The following PTPRK variants were observed in gnomAD, a reference collection of about 807,000 sequenced individuals.
PTPRK encodes the protein protein tyrosine phosphatase receptor type K.
In PTPRK, 75 loss-of-function variants were observed where a neutral mutation model predicts 178.0. That is an observed-to-expected ratio of 0.42 (90% confidence interval 0.35 to 0.51). The LOEUF (loss-of-function observed/expected upper bound fraction) is 0.51, where lower values mean the gene tolerates loss of function less well. Among genes scored for constraint, PTPRK ranks in the 20% least tolerant of loss-of-function variants. The probability of loss-of-function intolerance (pLI) is 0.02; values close to 1 mark genes in which losing one functional copy is unlikely to be tolerated. For synonymous variants in PTPRK, 637 were observed against 620.6 expected (o/e 1.03, Z -0.39); for missense variants, 1,441 against 1,797.8 (o/e 0.80, Z 3.59).
intron 6 of PTPRK, among the ~76,000 whole-genome samples, chr6:128,189,235 C>CTTTTTTTTTTTTTTTTTTTT (rs71028115): frequency 1.5e-5 from 1 of 67,466 alleles, no homozygotes; most frequent in Non-Finnish European, 2.6e-5. Context: ...TACTCTTTTT[C>CTTTTTTTTTTTTTTTTTTTT]TTTTTTTTTT....
intron 1 of PTPRK, among the ~76,000 whole-genome samples, chr6:128,424,588 C>T (rs1347991595): frequency 6.6e-6 from 1 of 152,118 alleles, no homozygotes; most frequent in Non-Finnish European, 1.5e-5. Flanking sequence ...TTCATTCACC[C>T]TTTTTCTCTG....
chr6:128,153,190 T>C (rs1413059528), intron 7 of PTPRK, among the ~76,000 whole-genome samples: 2 of 151,946 alleles, frequency 1.3e-5, no homozygotes, highest in African/African-American at 4.8e-5. Context: ...GTGTATGATA[T>C]GTGAAATCAA....
chr6:127,988,553 T>C (rs922935400), intron 21 of PTPRK, among the ~76,000 whole-genome samples: 8 of 152,056 alleles, frequency 5.3e-5, no homozygotes, highest in Admixed American at 5.2e-4. Context: ...TCTTCTACCA[T>C]CTATTCATGC....
At chr6:128,262,066 T>C (rs938393545) in intron 3 of PTPRK, among the ~76,000 whole-genome samples, 4 of 152,134 alleles carry the variant, frequency 2.6e-5, no homozygotes, top group Admixed American at 2.6e-4. Context: ...CAAGTGTGCT[T>C]TATGTGGATC....
chr6:128,352,791 A>G (rs533999387), intron 2 of PTPRK, among the ~76,000 whole-genome samples: 63 of 152,352 alleles, frequency 4.1e-4, no homozygotes, highest in African/African-American at 1.4e-3. Flanking sequence ...ATGACTGCAA[A>G]TAGTCTTCAC....
intron 3 of PTPRK, among the ~76,000 whole-genome samples, chr6:128,270,561 T>C (rs1819645786): frequency 6.6e-6 from 1 of 152,160 alleles, no homozygotes; most frequent in Non-Finnish European, 1.5e-5. Flanking sequence ...TATTACAAAG[T>C]AAGCATATTC....
At chr6:128,393,853 A>G (rs1321747863) in intron 2 of PTPRK, among the ~76,000 whole-genome samples, 1 of 152,128 alleles carries the variant, frequency 6.6e-6, no homozygotes, top group Non-Finnish European at 1.5e-5. Flanking sequence ...TTGACATATC[A>G]GATACATAAA....
chr6:128,455,160 T>C (rs1848243707), intron 1 of PTPRK, among the ~76,000 whole-genome samples: 2 of 152,174 alleles, frequency 1.3e-5, no homozygotes, highest in Admixed American at 1.3e-4. Flanking sequence ...AATTATTATG[T>C]GATTCAGACT....
chr6:128,248,608 T>G (rs1387115075), intron 3 of PTPRK, among the ~76,000 whole-genome samples: 1 of 152,174 alleles, frequency 6.6e-6, no homozygotes, highest in Non-Finnish European at 1.5e-5. Context: ...ATAAAATGGT[T>G]ATTGGAAATG....
At chr6:128,319,349 G>C (rs1055789404) in intron 3 of PTPRK, among the ~76,000 whole-genome samples, 1 of 152,138 alleles carries the variant, frequency 6.6e-6, no homozygotes, top group African/African-American at 2.4e-5. Context: ...CTTAAGAGCA[G>C]AGCAAACATC....
intron 7 of PTPRK, among the ~76,000 whole-genome samples, chr6:128,126,952 G>A (rs1412559444): frequency 6.7e-6 from 1 of 150,370 alleles, no homozygotes; most frequent in African/African-American, 2.5e-5. Context: ...TTAGCAACTG[G>A]TACTTTCATT....
intron 7 of PTPRK, among the ~76,000 whole-genome samples, chr6:128,132,339 T>C (rs1222040358): frequency 6.6e-6 from 1 of 152,174 alleles, no homozygotes; most frequent in Non-Finnish European, 1.5e-5. Context: ...CTCGCCCGGC[T>C]AATTTTTTGT....
At chr6:128,175,105 A>G (rs896113362) in intron 7 of PTPRK, among the ~76,000 whole-genome samples, 1 of 151,916 alleles carries the variant, frequency 6.6e-6, no homozygotes, top group African/African-American at 2.4e-5. Context: ...AGTCTAGAAT[A>G]CAGGAGATAC....
intron 15 of PTPRK, among the ~76,000 whole-genome samples, chr6:128,004,636 T>C (rs937745358): frequency 4.0e-5 from 6 of 151,852 alleles, no homozygotes; most frequent in Non-Finnish European, 5.9e-5. Context: ...TACAATATAC[T>C]ACTTTAATGC....
chr6:128,507,040 A>C (rs550028072), intron 1 of PTPRK, among the ~76,000 whole-genome samples: 64 of 152,186 alleles, frequency 4.2e-4, no homozygotes, highest in Middle Eastern at 6.8e-3. Flanking sequence ...GTACTTTCCC[A>C]TTTTGAATAT....
rs149462503 is a variant in PTPRK at position 128,202,506 on chromosome 6, G to A, written c.868+16416C>T. Among the ~76,000 whole-genome samples the A allele has an allele frequency of 3.7e-3, 557 of 152,228 alleles. 5 individuals are homozygous for A. Among genetic ancestry groups the A allele is most frequent in the African/African-American group, 0.012 (510 of 41,548 alleles). On this transcript the variant is annotated intron_variant, in intron 6 of 29. Transcript: ENST00000368226. ...AGGGTCACTACATACTCCTAGGAGC[G>A]GGGCTGAATACAGGGAGCCAAGCAG... is the stretch of plus-strand genomic sequence containing the variant.
chr6:128,272,199 A>C (rs868061515), intron 3 of PTPRK, among the ~76,000 whole-genome samples: 2 of 152,162 alleles, frequency 1.3e-5, no homozygotes, highest in South Asian at 4.1e-4. Flanking sequence ...CCTTATATAA[A>C]AATTAATTCA....
chr6:128,091,536 C>T (rs1263779621), intron 7 of PTPRK, among the ~76,000 whole-genome samples: 2 of 152,134 alleles, frequency 1.3e-5, no homozygotes, highest in African/African-American at 2.4e-5. Flanking sequence ...CAACTGGATA[C>T]TGTTTGGTAG....
chr6:128,417,399 A>C (rs574345760), intron 1 of PTPRK, among the ~76,000 whole-genome samples: 2 of 152,322 alleles, frequency 1.3e-5, no homozygotes, highest in East Asian at 1.9e-4. Context: ...TAGGCCATTA[A>C]ATATCAGCAC....
Sources: gnomAD v4.1 joint callset for allele counts (sites outside exome capture counted in the v4.1 genomes callset) on GRCh38, gnomAD v4.1.1 for gene constraint, MANE v1.5 for transcripts, NCBI Gene and HGNC (gene_info 2026-07-23, HGNC 2026-07-21) for gene names.